The following PRKCE variants were observed in gnomAD, a reference collection of about 807,000 sequenced individuals.
PRKCE encodes protein kinase C epsilon.
A neutral mutation model predicts 85.4 loss-of-function variants in PRKCE; 16 were observed. The ratio of observed to expected loss-of-function variants is 0.19; its 90% confidence interval spans 0.13 to 0.28. The LOEUF is 0.28. Ranked by LOEUF, PRKCE falls within the 10% of genes least tolerant of loss-of-function variation. The pLI is 1.00. For synonymous variants in PRKCE, 388 were observed against 371.5 expected (o/e 1.04, Z -0.51); for missense variants, 573 against 975.2 (o/e 0.59, Z 5.49).
At chr2:45,789,644 G>A (rs1393132031) in intron 1 of PRKCE, among the ~76,000 whole-genome samples, 1 of 152,080 alleles carries the variant, frequency 6.6e-6, no homozygotes, top group South Asian at 2.1e-4. Flanking sequence ...TTGGGGGAAA[G>A]GGGGGAAAGA....
chr2:45,667,947 G>A (rs1341031107), intron 1 of PRKCE, among the ~76,000 whole-genome samples: 1 of 152,158 alleles, frequency 6.6e-6, no homozygotes. Context: ...GACAAGTTGT[G>A]TAACCTCTCT....
At chr2:45,928,480 A>T in intron 2 of PRKCE, among the ~76,000 whole-genome samples, 1 of 152,056 alleles carries the variant, frequency 6.6e-6, no homozygotes, top group East Asian at 1.9e-4. Flanking sequence ...TGTTGCCCAG[A>T]CTGGTCTCCA....
intron 1 of PRKCE, among the ~76,000 whole-genome samples, chr2:45,668,486 G>T (rs1676016662): frequency 1.3e-5 from 2 of 152,040 alleles, no homozygotes; most frequent in East Asian, 1.9e-4. Flanking sequence ...TGGGGCTAGG[G>T]GTTGCTTGTC....
Position 46,043,347 on chromosome 2 carries a change from T to C in PRKCE, c.1437+32830T>C, listed in dbSNP as rs199944400. On this transcript the variant is annotated intron_variant, in intron 10 of 14. Coordinates refer to ENST00000306156, the MANE Select transcript of PRKCE (RefSeq NM_005400.3). The stretch of plus-strand genomic sequence containing the variant: ...TGGACTTCTTACAGTCATGCTTATA[T>C]GGCAAGACAAACAACTTTCATTCCA... 2.4e-4 allele frequency among the ~76,000 whole-genome samples: 36 copies of C among 152,330 alleles called. No homozygotes were observed. In the East Asian group the frequency reaches 6.6e-3, roughly 28 times the overall value.
chr2:45,978,950 T>A lies in PRKCE; in HGVS notation c.573-26T>A, dbSNP rs193031002. 3,151 of 1,596,960 alleles carry A rather than the reference T, an allele frequency of 2.0e-3. 28 individuals are homozygous for A. The African/African-American group carries it at 0.026, about 13-fold the overall frequency. ...TGACCTGGTAAGATTTCACTTTTTT[T>A]AAAAAAATGTTATTCTTCTTTTCAG... is the stretch of plus-strand genomic sequence containing the variant. On this transcript the variant is annotated intron_variant, in intron 3 of 14. Coordinates refer to ENST00000306156, the MANE Select transcript of PRKCE (RefSeq NM_005400.3).
chr2:45,672,679 C>T (rs185079125), intron 1 of PRKCE, among the ~76,000 whole-genome samples: 28 of 152,220 alleles, frequency 1.8e-4, no homozygotes, highest in Admixed American at 7.2e-4. Flanking sequence ...GTTGAGATTA[C>T]CATTTGTCTG....
intron 6 of PRKCE, among the ~76,000 whole-genome samples, chr2:45,990,042 A>G (rs1387318043): frequency 1.3e-5 from 2 of 152,156 alleles, no homozygotes; most frequent in Non-Finnish European, 2.9e-5. Context: ...ATAACAAATG[A>G]CCCCAGGACA....
chr2:45,699,835 C>G lies in PRKCE; in HGVS notation c.348+47387C>G, dbSNP rs550801262. Among the ~76,000 whole-genome samples, 14 of 152,092 alleles carry G rather than the reference C, an allele frequency of 9.2e-5. 1 individual carries two copies. The South Asian group carries it at 1.5e-3, about 16-fold the overall frequency. On this transcript the variant is annotated intron_variant, in intron 1 of 14. Coordinates refer to ENST00000306156, the MANE Select transcript of PRKCE (RefSeq NM_005400.3). ...CGGGAGGTGTGATTCTCTTGGAATC[C>G]CGGAAGGCACCAGTGTGGATGCCGC...
At chr2:45,926,809 A>G (rs1045248429) in intron 2 of PRKCE, among the ~76,000 whole-genome samples, 1 of 152,238 alleles carries the variant, frequency 6.6e-6, no homozygotes, top group African/African-American at 2.4e-5. Context: ...GCTGAAAAGT[A>G]GGACACAGGA....
intron 2 of PRKCE, among the ~76,000 whole-genome samples, chr2:45,962,261 G>T (rs949340808): frequency 6.6e-6 from 1 of 152,184 alleles, no homozygotes; most frequent in African/African-American, 2.4e-5. Flanking sequence ...TTTCCCCCCA[G>T]GGCCCTAAAG....
At chr2:45,744,889 G>C (rs987018837) in intron 1 of PRKCE, among the ~76,000 whole-genome samples, 1 of 152,168 alleles carries the variant, frequency 6.6e-6, no homozygotes, top group Non-Finnish European at 1.5e-5. Flanking sequence ...GATTATAGGC[G>C]TGAGCCACCG....
chr2:46,070,770 G>A (rs1668019142), intron 10 of PRKCE, among the ~76,000 whole-genome samples: 1 of 152,184 alleles, frequency 6.6e-6, no homozygotes, highest in Non-Finnish European at 1.5e-5. Context: ...TCAAATTCTG[G>A]CTGTGCTACT....
At chr2:45,839,433 A>G (rs1392632089) in intron 1 of PRKCE, among the ~76,000 whole-genome samples, 3 of 152,192 alleles carry the variant, frequency 2.0e-5, no homozygotes, top group African/African-American at 7.2e-5. Context: ...AGCTGGGAAG[A>G]TGTGTTAAGT....
At chr2:45,906,873 G>T (rs1290142124) in intron 2 of PRKCE, among the ~76,000 whole-genome samples, 1 of 152,240 alleles carries the variant, frequency 6.6e-6, no homozygotes, top group South Asian at 2.1e-4. Context: ...AACATCTTCA[G>T]AGATGGGTCA....
At chr2:45,760,473 A>C (rs1013625684) in intron 1 of PRKCE, among the ~76,000 whole-genome samples, 2 of 152,162 alleles carry the variant, frequency 1.3e-5, no homozygotes, top group African/African-American at 4.8e-5. Flanking sequence ...CTCATGTGGG[A>C]GTTTACATAA....
intron 1 of PRKCE, among the ~76,000 whole-genome samples, chr2:45,756,827 G>A (rs969768001): frequency 6.6e-6 from 1 of 152,126 alleles, no homozygotes; most frequent in South Asian, 2.1e-4. Flanking sequence ...TGTGTGGGAG[G>A]GGCAGGAGCA....
At chr2:46,125,769 G>A (rs1338283274) in intron 11 of PRKCE, among the ~76,000 whole-genome samples, 1 of 152,156 alleles carries the variant, frequency 6.6e-6, no homozygotes, top group Non-Finnish European at 1.5e-5. Flanking sequence ...TCAGTGTTCT[G>A]CCTATGACAA....
At chr2:45,684,155 T>C (rs1460177803) in intron 1 of PRKCE, among the ~76,000 whole-genome samples, 1 of 152,226 alleles carries the variant, frequency 6.6e-6, no homozygotes, top group African/African-American at 2.4e-5. Context: ...GGTGTCTCTC[T>C]ACCTCATTGA....
intron 10 of PRKCE, among the ~76,000 whole-genome samples, chr2:46,048,507 G>A (rs551028056): frequency 5.9e-5 from 9 of 152,290 alleles, no homozygotes; most frequent in South Asian, 2.1e-4. Flanking sequence ...GCCTCCTACC[G>A]AGCAGATGAC....
Sources: allele counts gnomAD v4.1 joint callset (sites outside exome capture counted in the v4.1 genomes callset), GRCh38; gene constraint gnomAD v4.1.1; transcripts MANE v1.5; gene names NCBI Gene and HGNC (gene_info 2026-07-23, HGNC 2026-07-21).